Variants in LINGO2 observed in about 807,000 individuals in gnomAD.
LINGO2 encodes the protein leucine-rich repeat and immunoglobulin-like domain-containing nogo receptor-interacting protein 2.
In LINGO2, 14 loss-of-function variants were observed where a neutral mutation model predicts 30.6. The ratio of observed to expected loss-of-function variants is 0.46; its 90% CI spans 0.30 to 0.72. The LOEUF (loss-of-function observed/expected upper bound fraction) is 0.72, where lower values mean the gene tolerates loss of function less well. Among genes scored for constraint, LINGO2 ranks in the 30% least tolerant of loss-of-function variants. The probability of loss-of-function intolerance (pLI) is 0.07; values close to 1 mark genes in which losing one functional copy is unlikely to be tolerated. For missense variants in LINGO2, 729 were observed against 751.7 expected (o/e 0.97, Z 0.35); for synonymous variants, 317 against 288.5 (o/e 1.10, Z -1.00).
chr9:28,381,658 A>T lies in LINGO2; in HGVS notation c.-278-8790T>A, dbSNP rs1012157007. Among the ~76,000 whole-genome samples, 3 of 152,078 alleles carry T rather than the reference A, an allele frequency of 2.0e-5. No homozygotes were observed. The East Asian group carries it at 5.8e-4, about 29-fold the overall frequency. On this transcript the variant is annotated intron_variant, in intron 2 of 5. Transcript: ENST00000379992. ...GTTGCTCCATTATTCTTTGACTATA[A>T]TCTTGGATTTAAAAGGAAATATTCA...
chr9:29,117,450 G>A, the LINGO2 span, among the ~76,000 whole-genome samples: 2 of 152,172 alleles, frequency 1.3e-5, no homozygotes, highest in Non-Finnish European at 2.9e-5. Flanking sequence ...AGTGAAAGCT[G>A]GCTCCAGCAT....
intron 5 of LINGO2, among the ~76,000 whole-genome samples, chr9:27,974,371 G>T (rs1820495102): frequency 6.6e-6 from 1 of 152,158 alleles, no homozygotes; most frequent in African/African-American, 2.4e-5. Flanking sequence ...GGTCTTCAGA[G>T]AAAGCTTTTT....
At chr9:28,456,920 T>C (rs1824872999) in intron 2 of LINGO2, among the ~76,000 whole-genome samples, 1 of 152,186 alleles carries the variant, frequency 6.6e-6, no homozygotes, top group Non-Finnish European at 1.5e-5. Flanking sequence ...TTGGCTATTT[T>C]TACTTACATG....
the LINGO2 span, among the ~76,000 whole-genome samples, chr9:29,051,188 T>A: frequency 9.9e-5 from 15 of 152,264 alleles, no homozygotes; most frequent in African/African-American, 3.4e-4. Flanking sequence ...TCAGTCATGG[T>A]GTTATACATT....
At chr9:28,715,046 C>T in the LINGO2 span, among the ~76,000 whole-genome samples, 1,423 of 152,148 alleles carry the variant, frequency 9.4e-3, 23 homozygotes, top group African/African-American at 0.033. Flanking sequence ...GAATGTGAGT[C>T]GTAGTCAATA....
the LINGO2 span, among the ~76,000 whole-genome samples, chr9:28,911,952 TG>T: frequency 6.6e-6 from 1 of 152,158 alleles, no homozygotes; most frequent in Non-Finnish European, 1.5e-5. Flanking sequence ...TATTCTTTTC[TG>T]AACATTTTTC....
chr9:29,061,908 T>C, the LINGO2 span, among the ~76,000 whole-genome samples: 1 of 151,994 alleles, frequency 6.6e-6, no homozygotes, highest in African/African-American at 2.4e-5. Context: ...TGGGAGAAAA[T>C]ATTTGCAAGT....
Position 28,589,927 on chromosome 9 carries a change from A to G in LINGO2, c.-365+80273T>C, listed in dbSNP as rs144553669. Among the ~76,000 whole-genome samples the G allele has an allele frequency of 5.9e-3, 896 of 152,276 alleles. 11 individuals are homozygous for G. Among genetic ancestry groups the G allele is most frequent in the African/African-American group, 0.021 (864 of 41,562 alleles). On this transcript the variant is annotated intron_variant, in intron 1 of 5. Coordinates refer to ENST00000379992, the Ensembl canonical transcript of LINGO2. ...TATACTACAAGGCTACAGTAACCAA[A>G]ACAGCATGGAACTGGAGACCAAAAC...
chr9:28,632,605 AAATAT>A (rs1297033260), intron 1 of LINGO2, among the ~76,000 whole-genome samples: 2 of 144,974 alleles, frequency 1.4e-5, no homozygotes, highest in African/African-American at 5.0e-5. Context: ...ATATGTAGAT[AAATAT>A]ATTATCTATA....
Position 28,243,457 on chromosome 9 carries a change from C to CA in LINGO2, c.-87+51750dup, listed in dbSNP as rs201759263. 1.8e-3 allele frequency among the ~76,000 whole-genome samples: 175 copies of CA among 98,270 alleles called. 2 individuals are homozygous for CA. Among genetic ancestry groups the CA allele is most frequent in the East Asian group, 3.6e-3 (12 of 3,318 alleles). The allele number at this position is 98,270 out of a possible 152,430, so 64.5% of individuals were successfully genotyped here. ...CCTGTGCGACGGAGAAAGACTCTCT[C>CA]AAAAAATAAAAAAAGAAGAAGAAGA... On this transcript the variant is annotated intron_variant, in intron 4 of 5. Coordinates refer to ENST00000379992, the Ensembl canonical transcript of LINGO2.
chr9:28,068,805 C>G lies in LINGO2; in HGVS notation c.-86-56400G>C, dbSNP rs181470566. ...AGCTTTTGAGTTCAAATCCAATACTCCATATACAATGCAACAAGGTACTAT... is the reference window on the plus strand; with the variant it reads ...AGCTTTTGAGTTCAAATCCAATACTGCATATACAATGCAACAAGGTACTAT... On this transcript the variant is annotated intron_variant, in intron 4 of 5. Transcript: ENST00000379992. Among the ~76,000 whole-genome samples, 911 of 152,162 alleles carry G rather than the reference C, an allele frequency of 6.0e-3. 4 individuals carry two copies. The highest frequency in any genetic ancestry group is 9.1e-3 in the Admixed American group (139 of 15,254).
At chr9:28,390,080 A>G (rs1270890157) in intron 2 of LINGO2, among the ~76,000 whole-genome samples, 1 of 152,102 alleles carries the variant, frequency 6.6e-6, no homozygotes, top group African/African-American at 2.4e-5. Context: ...TATGTGTTTT[A>G]CATACATTTT....
At chr9:28,778,503 C>A in the LINGO2 span, among the ~76,000 whole-genome samples, 2 of 152,092 alleles carry the variant, frequency 1.3e-5, no homozygotes, top group Non-Finnish European at 2.9e-5. Context: ...AAATTTAATT[C>A]TCTCAAAAGT....
At chr9:28,198,948 G>T (rs1820115631) in intron 4 of LINGO2, among the ~76,000 whole-genome samples, 1 of 152,092 alleles carries the variant, frequency 6.6e-6, no homozygotes, top group Non-Finnish European at 1.5e-5. Context: ...TGAAAGTCTG[G>T]CAATTCTTTT....
intron 4 of LINGO2, among the ~76,000 whole-genome samples, chr9:28,268,275 T>C (rs1227168313): frequency 6.6e-6 from 1 of 152,064 alleles, no homozygotes; most frequent in Non-Finnish European, 1.5e-5. Context: ...ATTCTTTGGC[T>C]AAAGATAGAT....
chr9:29,110,038 C>A, the LINGO2 span, among the ~76,000 whole-genome samples: 1 of 152,214 alleles, frequency 6.6e-6, no homozygotes, highest in East Asian at 1.9e-4. Context: ...ATACCCTACC[C>A]AGGAAAACAA....
chr9:28,378,843 TCA>T (rs1821230091), intron 2 of LINGO2, among the ~76,000 whole-genome samples: 1 of 152,138 alleles, frequency 6.6e-6, no homozygotes, highest in Non-Finnish European at 1.5e-5. Flanking sequence ...AGAATGCACC[TCA>T]GTTTCTAGAC....
chr9:29,198,542 T>C, the LINGO2 span, among the ~76,000 whole-genome samples: 12 of 152,114 alleles, frequency 7.9e-5, no homozygotes, highest in Non-Finnish European at 1.5e-4. Flanking sequence ...CTGATATGCA[T>C]TTTAGAAGTC....
intron 1 of LINGO2, among the ~76,000 whole-genome samples, chr9:28,504,395 T>C (rs1820015327): frequency 6.6e-6 from 1 of 151,676 alleles, no homozygotes; most frequent in African/African-American, 2.4e-5. Flanking sequence ...TATATAAACA[T>C]ACCGTGGCAT....
Sources: gnomAD v4.1 joint callset for allele counts (sites outside exome capture counted in the v4.1 genomes callset) on GRCh38, gnomAD v4.1.1 for gene constraint, MANE v1.5 for transcripts, NCBI Gene and HGNC (gene_info 2026-07-23, HGNC 2026-07-21) for gene names.